The following KLF9 variants were observed in gnomAD, a reference collection of about 807,000 sequenced individuals.
The protein encoded by KLF9 is KLF transcription factor 9, also known as Krueppel-like factor 9.
A neutral mutation model predicts 17.3 loss-of-function variants in KLF9; 2 were observed. That is an observed-to-expected ratio of 0.12 (90% CI 0.05 to 0.36). The LOEUF (loss-of-function observed/expected upper bound fraction) is 0.36. Among genes scored for constraint, KLF9 ranks in the 10% least tolerant of loss-of-function variants. The pLI is 1.00. For missense variants in KLF9, 226 were observed against 333.2 expected, an observed-to-expected ratio of 0.68 and a Z score of 2.51; for synonymous variants, 138 against 139.2, an observed-to-expected ratio of 0.99 and a Z score of 0.06.
At chr9:70,412,770 C>T (rs1564090389) in intron 1 of KLF9, 89 bp downstream of exon 1, 1 of 1,252,034 alleles carries the variant, frequency 8.0e-7, no homozygotes. Flanking sequence ...CCCTTTCGGC[C>T]GAGTGCAGTG....
Position 70,405,528 on chromosome 9 carries a change from T to C in KLF9, c.505+7331A>G, listed in dbSNP as rs1420433341. 6.6e-5 allele frequency among the ~76,000 whole-genome samples: 10 copies of C among 152,324 alleles called. No homozygotes were observed. The South Asian group carries it at 1.2e-3, about 19-fold the overall frequency. On this transcript the variant is annotated intron_variant, in intron 1 of 1. Coordinates refer to ENST00000377126, the MANE Select transcript of KLF9 (RefSeq NM_001206.4). ...TCAGTTTCATTAAAAAATAAACAAATTCAAAGGCCCAGCAGCAGCAGCTCT... is the reference window on the plus strand; with the variant it reads ...TCAGTTTCATTAAAAAATAAACAAACTCAAAGGCCCAGCAGCAGCAGCTCT...
intron 1 of KLF9, among the ~76,000 whole-genome samples, chr9:70,409,094 ATATATATGTGTATATATATACATATATG>A (rs2037284907): frequency 3.3e-5 from 3 of 91,834 alleles, no homozygotes; most frequent in East Asian, 2.5e-4. Context: ...ACATATATGT[ATATATATGTGTATATATATACATATATG>A]TATATATGTA....
In KLF9 at chr9:70,387,899, G is replaced by T; in HGVS notation, c.612C>A (p.Arg204=). 6.2e-7 allele frequency: 1 copy of T among 1,614,166 alleles called. No homozygotes were observed. The highest frequency in any genetic ancestry group is 8.5e-7 in the Non-Finnish European group (1 of 1,180,028). Residue 204 remains arginine, a synonymous_variant, in exon 2 of 2, where the codon CGC becomes CGA. Transcript: ENST00000377126. ...TGAAGCGCTTCTCACACAGCGGACAGCGGAACTGCTTTTCCCCAGTGTGGG... is the reference window on the plus strand; with the variant it reads ...TGAAGCGCTTCTCACACAGCGGACATCGGAACTGCTTTTCCCCAGTGTGGG... The part of the protein sequence containing the change: ...YRTHTGEKQF[R]CPLCEKRFMR...
At chr9:70,408,508 G>C (rs927384419) in intron 1 of KLF9, among the ~76,000 whole-genome samples, 4 of 152,144 alleles carry the variant, frequency 2.6e-5, no homozygotes, top group Non-Finnish European at 5.9e-5. Flanking sequence ...ATGAAGAGAA[G>C]AGATGGTGGT....
intron 1 of KLF9, among the ~76,000 whole-genome samples, chr9:70,389,529 C>T (rs1490578594): frequency 1.3e-5 from 2 of 152,216 alleles, no homozygotes; most frequent in African/African-American, 4.8e-5. Flanking sequence ...ACAATTTCCA[C>T]ATCCCTCTTT....
chr9:70,395,080 G>A lies in KLF9; in HGVS notation c.506-7075C>T, dbSNP rs2037175493. ...CACTTGCAATACTAGTTATTAAAAT[G>A]GATTATTAAAGCTGTAATAATTAAG... On this transcript the variant is annotated intron_variant, in intron 1 of 1. Coordinates refer to ENST00000377126, the MANE Select transcript of KLF9 (RefSeq NM_001206.4). Among the ~76,000 whole-genome samples the A allele has an allele frequency of 2.6e-5, 4 of 152,120 alleles. 1 individual carries two copies. The South Asian group carries it at 8.3e-4, about 32-fold the overall frequency.
In KLF9 at chr9:70,385,841, C is replaced by T. The variant is rs749342541; in HGVS notation, c.*1935G>A. The T allele has an allele frequency of 3.9e-5, 6 of 152,414 alleles. No homozygotes were observed. The South Asian group carries it at 1.0e-3, about 26-fold the overall frequency. The allele number at this position is 152,414 out of a possible 1,614,324, so 9.4% of individuals were successfully genotyped here. Reference sequence around the variant, plus strand: ...CTTTATTTTTCCTGACATGTTTTCTCGTGAGAAAACACTTTCCTTTTTATC... The same window carrying T: ...CTTTATTTTTCCTGACATGTTTTCTTGTGAGAAAACACTTTCCTTTTTATC... On this transcript the variant is annotated 3_prime_UTR_variant, in exon 2 of 2. Transcript: ENST00000377126.
rs1471030877 is a variant in KLF9 at position 70,385,141 on chromosome 9, CT to C, written c.*2634del. ...TGGTTAAAAAAGTAAACAAAAATTA[CT>C]ATCCTGCATTTGGATTTTCATAAGT... On this transcript the variant is annotated 3_prime_UTR_variant, in exon 2 of 2. Transcript: ENST00000377126. 1 of 152,614 alleles carries C rather than the reference CT, an allele frequency of 6.6e-6. No homozygotes were observed. Among genetic ancestry groups the C allele is most frequent in the Non-Finnish European group, 1.5e-5 (1 of 68,016 alleles). The allele number at this position is 152,614 out of a possible 1,614,324, so 9.5% of individuals were successfully genotyped here.
chr9:70,390,638 C>CACACACAT (rs1217755884), intron 1 of KLF9, among the ~76,000 whole-genome samples: 2 of 152,026 alleles, frequency 1.3e-5, no homozygotes, highest in African/African-American at 4.8e-5. Context: ...ACTTTACACA[C>CACACACAT]ACACACACAC....
Position 70,413,922 on chromosome 9 carries a change from C to G in KLF9, c.-559G>C, listed in dbSNP as rs1403926996. 6.5e-6 allele frequency: 1 copy of G among 152,706 alleles called. No homozygotes were observed. The highest frequency in any genetic ancestry group is 2.4e-5 in the African/African-American group (1 of 41,468). The allele number at this position is 152,706 out of a possible 1,614,324, so 9.5% of individuals were successfully genotyped here. A position where few individuals can be genotyped will look rare whatever the true frequency, so the allele number is the denominator to read the frequency against. ...ACGGCTTCTGAACCCCTGCTCCGGC[C>G]GGTCCGCACCGTTCCGGCATTCTCT... On this transcript the variant is annotated 5_prime_UTR_variant, in exon 1 of 2. Transcript: ENST00000377126. The surrounding 1 kb of genome is among the most constrained non-coding windows in gnomAD (Gnocchi z 5.6).
At chr9:70,392,578 G>A (rs572076124) in intron 1 of KLF9, among the ~76,000 whole-genome samples, 11 of 152,276 alleles carry the variant, frequency 7.2e-5, no homozygotes, top group Non-Finnish European at 7.3e-5. Flanking sequence ...GAAAATGATA[G>A]ATGTTTTGCA....
rs371850355 is a variant in KLF9, at chr9:70,414,027, A to T, written c.-664T>A. On this transcript the variant is annotated 5_prime_UTR_variant, in exon 1 of 2. In the 5' UTR this introduces an upstream ATG that the reference lacks. Coordinates refer to ENST00000377126, the MANE Select transcript of KLF9 (RefSeq NM_001206.4). ...ATTGGCCAGTGGGGAGGGTGATTCA[A>T]CTCTGTTTACTTTCTCCCCCTGCCA... 1 of 152,404 alleles carries T rather than the reference A, an allele frequency of 6.6e-6. No individual in the cohort carries two copies. The highest frequency in any genetic ancestry group is 1.5e-5 in the Non-Finnish European group (1 of 68,066). The allele number at this position is 152,404 out of a possible 1,614,324, so 9.4% of individuals were successfully genotyped here. A position where few individuals can be genotyped will look rare whatever the true frequency, so the allele number is the denominator to read the frequency against.
rs1471830752 is a variant in KLF9 at position 70,387,540 on chromosome 9, G to A, written c.*236C>T. 6.3e-6 allele frequency: 3 copies of A among 473,528 alleles called. No homozygotes were observed. Among genetic ancestry groups the A allele is most frequent in the East Asian group, 3.4e-5 (1 of 29,324 alleles). 29.3% of individuals were successfully genotyped at this position (473,528 alleles called of 1,614,324 possible). On this transcript the variant is annotated 3_prime_UTR_variant, in exon 2 of 2. Coordinates refer to ENST00000377126, the MANE Select transcript of KLF9 (RefSeq NM_001206.4). ...TGCCTTCCCTCCAACAGTCAGAGAC[G>A]GGTTCAGAGAGTTGCCTCTTCAAGG...
chr9:70,413,213 C>T lies in KLF9; in HGVS notation c.151G>A (p.Gly51Arg). The change falls in exon 1 of 2, where the codon GGG becomes AGG. Residue 51 changes from glycine to arginine, a missense_variant. By Grantham distance (125) the Gly-to-Arg change is moderately radical (BLOSUM62 -2). Transcript: ENST00000377126. This position sits in a 1 kb window ranked among gnomAD's most constrained non-coding sequence, Gnocchi z 5.6. Reference protein sequence around the residue: ...REVTKEHGDPGDTWKDYCTLV... With the variant: ...REVTKEHGDPRDTWKDYCTLV... ...GTGCAGTAATCCTTCCAGGTGTCCC[C>T]CGGGTCACCGTGCTCCTTGGTCACC... 6.2e-7 allele frequency: 1 copy of T among 1,614,118 alleles called. No homozygotes were observed. The highest frequency in any genetic ancestry group is 8.5e-7 in the Non-Finnish European group (1 of 1,180,040).
intron 1 of KLF9, among the ~76,000 whole-genome samples, chr9:70,400,822 C>T (rs920599156): frequency 4.6e-5 from 7 of 152,150 alleles, no homozygotes; most frequent in African/African-American, 1.4e-4. Context: ...TTTAACCCTT[C>T]TACTCTTGGG....
intron 1 of KLF9, among the ~76,000 whole-genome samples, chr9:70,399,017 A>T (rs2037202549): frequency 6.6e-6 from 1 of 151,422 alleles, no homozygotes; most frequent in South Asian, 2.1e-4. Context: ...TATTTTTTGT[A>T]TAGTCAGGGG....
At position 70,409,144 on chromosome 9, in the gene KLF9, GTATATGTATATATATACACA is replaced by G. The variant is rs1180101773; in HGVS notation, c.505+3695_505+3714del. 3.8e-4 allele frequency among the ~76,000 whole-genome samples: 21 copies of G among 55,448 alleles called. 1 individual carries two copies. The highest frequency in any genetic ancestry group is 7.9e-4 in the African/African-American group (17 of 21,528). 36.4% of individuals were successfully genotyped at this position (55,448 alleles called of 152,430 possible). A position where few individuals can be genotyped will look rare whatever the true frequency, so the allele number is the denominator to read the frequency against. ...TATGTATATATGTATACATATATAT[GTATATGTATATATATACACA>G]TATATGTATATATATGTATACATAT... On this transcript the variant is annotated intron_variant, in intron 1 of 1. Transcript: ENST00000377126.
intron 1 of KLF9, among the ~76,000 whole-genome samples, chr9:70,401,454 G>A (rs1398700889): frequency 6.6e-6 from 1 of 151,832 alleles, no homozygotes; most frequent in Non-Finnish European, 1.5e-5. Flanking sequence ...GGAAGGCCGA[G>A]GCCGGTGAAT....
chr9:70,389,296 C>A (rs2037136860), intron 1 of KLF9, among the ~76,000 whole-genome samples: 1 of 152,142 alleles, frequency 6.6e-6, no homozygotes, highest in Admixed American at 6.6e-5. Flanking sequence ...TAACATTGTT[C>A]TAAGCATAAA....
Sources: gnomAD v4.1 joint callset for allele counts (sites outside exome capture counted in the v4.1 genomes callset) on GRCh38, gnomAD v4.1.1 for gene constraint, Gnocchi (gnomAD v3.1) non-coding constraint, MANE v1.5 for transcripts, NCBI Gene and HGNC (gene_info 2026-07-23, HGNC 2026-07-21) for gene names.